The following WWP1 variants were observed in gnomAD, a reference collection of about 807,000 sequenced individuals.
WWP1 encodes the protein WW domain containing E3 ubiquitin protein ligase 1, also known as NEDD4-like E3 ubiquitin-protein ligase WWP1.
Under a neutral mutation model 130.6 loss-of-function variants are expected in WWP1, and 49 were observed. The observed-to-expected ratio is 0.38, with a 90% CI of 0.30 to 0.48. The LOEUF is 0.48. Among genes scored for constraint, WWP1 ranks in the 20% least tolerant of loss-of-function variants. The pLI is 0.99. For missense variants in WWP1, 809 were observed against 1,100.6 expected, an observed-to-expected ratio of 0.74 and a Z score of 3.75; for synonymous variants, 332 against 367.8, an observed-to-expected ratio of 0.90 and a Z score of 1.11.
intron 21 of WWP1, 37 bp from the exon 22 acceptor site, chr8:86,457,884 A>G (rs775139995): frequency 1.6e-5 from 25 of 1,585,980 alleles, no homozygotes; most frequent in Non-Finnish European, 2.2e-5. Context: ...TCTTCACTAA[A>G]TCTTTATTGT....
chr8:86,426,058 G>T (rs918194585), intron 10 of WWP1, among the ~76,000 whole-genome samples: 1 of 152,202 alleles, frequency 6.6e-6, no homozygotes, highest in African/African-American at 2.4e-5. Flanking sequence ...TCAAGGCAGA[G>T]AAATGTTATT....
chr8:86,423,318 C>T (rs1242288067), intron 9 of WWP1, among the ~76,000 whole-genome samples: 1 of 152,012 alleles, frequency 6.6e-6, no homozygotes, highest in Non-Finnish European at 1.5e-5. Flanking sequence ...GGAAGGTCAG[C>T]AGATAAACAA....
chr8:86,423,958 CGCT>C (rs1809415362), intron 9 of WWP1, among the ~76,000 whole-genome samples: 14 of 3,298 alleles, frequency 4.2e-3, no homozygotes, highest in Non-Finnish European at 9.2e-3. Flanking sequence ...CCCCCATAAG[CGCT>C]AACTTAAGTT....
intron 16 of WWP1, among the ~76,000 whole-genome samples, chr8:86,437,925 G>A (rs766679686): frequency 8.5e-5 from 13 of 152,102 alleles, no homozygotes; most frequent in South Asian, 4.2e-4. Flanking sequence ...TTAGCCTCCC[G>A]AATAGCTGGG....
rs770863115 is a variant in WWP1, at chr8:86,398,548, G to C, written c.473-24G>C. On this transcript the variant is annotated intron_variant, in intron 6 of 24. Transcript: ENST00000517970. ...TAAGCAAGAAGTATATAAAAACCTA[G>C]TTTTTTTCTTTCTTGTTGTTCAGTA... 4.2e-5 allele frequency: 67 copies of C among 1,611,398 alleles called. 1 individual carries two copies. In the Admixed American group the frequency reaches 9.4e-4, roughly 23 times the overall value.
intron 2 of WWP1, among the ~76,000 whole-genome samples, chr8:86,370,220 T>C (rs1308074202): frequency 6.6e-6 from 1 of 152,246 alleles, no homozygotes; most frequent in African/African-American, 2.4e-5. Context: ...GAAGAAAATC[T>C]GATTTACAAA....
At chr8:86,398,750 A>T in intron 7 of WWP1, 112 bp downstream of exon 7, 1 of 1,042,378 alleles carries the variant, frequency 9.6e-7, no homozygotes, top group Non-Finnish European at 1.4e-6. Flanking sequence ...TTAGAAGCTT[A>T]TGTCTAAGCA....
chr8:86,449,629 G>A (rs553819816), intron 20 of WWP1, among the ~76,000 whole-genome samples: 64 of 152,306 alleles, frequency 4.2e-4, no homozygotes, highest in African/African-American at 1.4e-3. Context: ...TACAGATGAC[G>A]CATCTTAAAA....
rs377556503 is a variant in WWP1, at chr8:86,435,606, ATAT to A, written c.1678-23_1678-21del. The A allele has an allele frequency of 1.4e-4, 233 of 1,611,832 alleles. No homozygotes were observed. In the African/African-American group the frequency reaches 2.5e-3, roughly 17 times the overall value. On this transcript the variant is annotated intron_variant, in intron 15 of 24. Coordinates refer to ENST00000517970, the MANE Select transcript of WWP1 (RefSeq NM_007013.4). ...CAATACATATACTATAACTCAGATG[ATAT>A]TATGATATTATTTTTGTTTTTAGTC...
intron 2 of WWP1, among the ~76,000 whole-genome samples, chr8:86,370,909 A>ATGCT (rs1440038190): frequency 9.6e-6 from 1 of 104,324 alleles, no homozygotes; most frequent in African/African-American, 4.0e-5. Flanking sequence ...TCTGTTGCCC[A>ATGCT]GGCTGGAGTG....
chr8:86,452,986 A>G (rs1356690010), intron 21 of WWP1, among the ~76,000 whole-genome samples: 1 of 152,156 alleles, frequency 6.6e-6, no homozygotes, highest in Non-Finnish European at 1.5e-5. Context: ...TGCTTCAAAG[A>G]TCAGAATTTT....
intron 7 of WWP1, among the ~76,000 whole-genome samples, chr8:86,401,794 T>G (rs567784486): frequency 2.6e-5 from 4 of 152,256 alleles, no homozygotes; most frequent in African/African-American, 7.2e-5. Flanking sequence ...GAAAAGTAAT[T>G]AAAACTTTAA....
intron 1 of WWP1, among the ~76,000 whole-genome samples, chr8:86,352,405 A>G (rs999428021): frequency 9.2e-5 from 14 of 152,006 alleles, no homozygotes; most frequent in Non-Finnish European, 1.9e-4. Flanking sequence ...TTGTATTTTT[A>G]GTAGAGACGG....
intron 14 of WWP1, among the ~76,000 whole-genome samples, chr8:86,434,239 A>T (rs945292185): frequency 2.6e-5 from 4 of 152,346 alleles, no homozygotes; most frequent in Non-Finnish European, 4.4e-5. Context: ...CCATCTCAAT[A>T]AGAGTAAAAA....
chr8:86,371,348 T>A (rs868016938), intron 2 of WWP1, among the ~76,000 whole-genome samples: 6 of 152,210 alleles, frequency 3.9e-5, no homozygotes, highest in Non-Finnish European at 5.9e-5. Context: ...GTACAAAAAA[T>A]TTTATAAAAT....
rs1808904748 is a variant in WWP1, at chr8:86,416,641, T to C, written c.1061+4767T>C. Among the ~76,000 whole-genome samples the C allele has an allele frequency of 3.3e-5, 5 of 152,158 alleles. No individual in the cohort carries two copies. In the South Asian group the frequency reaches 1.0e-3, roughly 32 times the overall value. ...GTTTTGAAAATTTGTATATAATGTT[T>C]TAGTGAGACAGAGAGACCATACCTA... is the stretch of plus-strand genomic sequence containing the variant. On this transcript the variant is annotated intron_variant, in intron 9 of 24. Transcript: ENST00000517970.
rs77395686 is a variant in WWP1 at position 86,358,650 on chromosome 8, T to A, written c.-114-10289T>A. On this transcript the variant is annotated intron_variant, in intron 1 of 24. Transcript: ENST00000517970. The stretch of plus-strand genomic sequence containing the variant: ...ACCACACCCAGCTATTGTTTTTTTT[T>A]AATTTCCTTTATTTTGGGTATATAT... Among the ~76,000 whole-genome samples, 209 of 152,070 alleles carry A rather than the reference T, an allele frequency of 1.4e-3. 2 individuals carry two copies. The highest frequency in any genetic ancestry group is 4.9e-3 in the African/African-American group (202 of 41,494).
At chr8:86,419,102 C>T (rs556325894) in intron 9 of WWP1, among the ~76,000 whole-genome samples, 1 of 152,230 alleles carries the variant, frequency 6.6e-6, no homozygotes, top group Admixed American at 6.5e-5. Context: ...ATCAAAAAAA[C>T]AACCTAGAAA....
chr8:86,376,599 A>AG (rs1352589906), intron 3 of WWP1, among the ~76,000 whole-genome samples: 1 of 152,048 alleles, frequency 6.6e-6, no homozygotes, highest in South Asian at 2.1e-4. Context: ...GAAAAGAAAA[A>AG]GAAAAACCTG....
Sources: allele counts gnomAD v4.1 joint callset (sites outside exome capture counted in the v4.1 genomes callset), GRCh38; gene constraint gnomAD v4.1.1; transcripts MANE v1.5; gene names NCBI Gene and HGNC (gene_info 2026-07-23, HGNC 2026-07-21).